Variants in MMP26 observed in about 807,000 individuals in gnomAD.
MMP26 encodes matrix metallopeptidase 26, also known as matrix metalloproteinase-26.
MMP26 carries 33 observed loss-of-function variants against 31.0 expected under a neutral mutation model. That is an observed-to-expected ratio of 1.06 (90% CI 0.81 to 1.42). MMP26 has a LOEUF of 1.42. MMP26 is among the 40% of genes most tolerant of loss of function. MMP26 has a pLI of 0.00. For missense variants in MMP26, 347 were observed against 316.1 expected (o/e 1.10, Z -0.74); for synonymous variants, 122 against 114.9 (o/e 1.06, Z -0.40).
intron 1 of MMP26, among the ~76,000 whole-genome samples, chr11:4,727,553 T>C (rs371350499): frequency 1.2e-4 from 18 of 152,316 alleles, no homozygotes; most frequent in East Asian, 5.8e-4. Context: ...CTCATGCCTG[T>C]TATCCCAGCA....
chr11:4,984,631 T>C (rs1478330257), intron 2 of MMP26, among the ~76,000 whole-genome samples: 1 of 152,210 alleles, frequency 6.6e-6, no homozygotes, highest in Non-Finnish European at 1.5e-5. Flanking sequence ...TTAATGAGCC[T>C]ACAGTGTCAT....
At chr11:4,795,667 C>G (rs554595215) in intron 2 of MMP26, among the ~76,000 whole-genome samples, 45 of 152,328 alleles carry the variant, frequency 3.0e-4, no homozygotes, top group Middle Eastern at 3.4e-3. Context: ...CATAAGAACA[C>G]TTGTCCTTTG....
At position 4,848,317 on chromosome 11, in the gene MMP26, G is replaced by T. The variant is rs1364223456; in HGVS notation, c.-145+80976G>T. ...ATCTCCTTCATCTTGACACTATAGAGAATAGGGTTTATCAATGGAGGAAGA... is the reference window on the plus strand; with the variant it reads ...ATCTCCTTCATCTTGACACTATAGATAATAGGGTTTATCAATGGAGGAAGA... On this transcript the variant is annotated intron_variant, in intron 2 of 7. Coordinates refer to ENST00000380390, the MANE Select transcript of MMP26 (RefSeq NM_021801.5). 2.5e-6 allele frequency: 4 copies of T among 1,614,070 alleles called. No individual in the cohort carries two copies. In the East Asian group the frequency reaches 8.9e-5, roughly 36 times the overall value.
chr11:4,980,405 T>C (rs1162262539), intron 2 of MMP26, among the ~76,000 whole-genome samples: 1 of 152,104 alleles, frequency 6.6e-6, no homozygotes, highest in Admixed American at 6.6e-5. Context: ...ATGTTTTCTT[T>C]TGGGGTAACA....
chr11:4,768,327 A>C (rs1433916), intron 2 of MMP26, among the ~76,000 whole-genome samples: 30,406 of 152,198 alleles, frequency 0.2, 4,855 homozygotes, highest in African/African-American at 0.44. Context: ...CTCACATGCC[A>C]TGACATATCT....
chr11:4,780,121 C>A (rs1304448859), intron 2 of MMP26, among the ~76,000 whole-genome samples: 1 of 151,980 alleles, frequency 6.6e-6, no homozygotes, highest in Non-Finnish European at 1.5e-5. Context: ...TTTTATTTTT[C>A]AATTTTGAAT....
chr11:4,848,132 C>A, intron 2 of MMP26: 2 of 1,206,966 alleles, frequency 1.7e-6, no homozygotes, highest in Non-Finnish European at 2.3e-6. Flanking sequence ...CACATATATG[C>A]ACTTATGTGT....
intron 2 of MMP26, chr11:4,803,417 T>A (rs745501473): frequency 1.3e-6 from 2 of 1,523,062 alleles, no homozygotes; most frequent in South Asian, 2.4e-5. Flanking sequence ...GTGATGGGGA[T>A]ACACTGACCC....
chr11:4,720,428 A>G (rs1299845398), intron 1 of MMP26, among the ~76,000 whole-genome samples: 1 of 152,244 alleles, frequency 6.6e-6, no homozygotes, highest in African/African-American at 2.4e-5. Flanking sequence ...CTTATCCTCA[A>G]GGAAAGTTGA....
At chr11:4,918,241 G>A (rs898789520) in intron 2 of MMP26, among the ~76,000 whole-genome samples, 7 of 152,130 alleles carry the variant, frequency 4.6e-5, no homozygotes, top group Non-Finnish European at 7.3e-5. Context: ...CACATACTGA[G>A]AAGTTGGAAA....
intron 2 of MMP26, among the ~76,000 whole-genome samples, chr11:4,834,082 T>C: frequency 6.6e-6 from 1 of 152,118 alleles, no homozygotes; most frequent in African/African-American, 2.4e-5. Flanking sequence ...GCCCCTCACG[T>C]TTTTCTGGGG....
chr11:4,729,722 T>A (rs574614167), intron 1 of MMP26, among the ~76,000 whole-genome samples: 11 of 150,914 alleles, frequency 7.3e-5, no homozygotes, highest in Non-Finnish European at 1.5e-4. Flanking sequence ...ACCTAACAGG[T>A]GTGAGCATAT....
rs779610861 is a variant in MMP26 at position 4,848,274 on chromosome 11, T to C, written c.-145+80933T>C. ...ACCCACCTTCCTGGGCTGCAACCTG[T>C]TGAGTATTCTCTTTCTAATCTCCTT... On this transcript the variant is annotated intron_variant, in intron 2 of 7. Coordinates refer to ENST00000380390, the MANE Select transcript of MMP26 (RefSeq NM_021801.5). 5.0e-6 allele frequency: 8 copies of C among 1,613,260 alleles called. No individual in the cohort carries two copies. The South Asian group carries it at 8.8e-5, about 18-fold the overall frequency.
intron 1 of MMP26, chr11:4,736,761 G>A (rs1020775302): frequency 6.6e-6 from 1 of 152,392 alleles, no homozygotes; most frequent in African/African-American, 2.4e-5. Flanking sequence ...GAAGCACTGA[G>A]GACTCCATGA....
chr11:4,978,672 C>T (rs1822916171), intron 2 of MMP26, among the ~76,000 whole-genome samples: 1 of 151,996 alleles, frequency 6.6e-6, no homozygotes, highest in Non-Finnish European at 1.5e-5. Context: ...ATACTGTGTC[C>T]TGGAAGATAT....
At chr11:4,818,509 C>A (rs1849451355) in intron 2 of MMP26, among the ~76,000 whole-genome samples, 2 of 151,926 alleles carry the variant, frequency 1.3e-5, no homozygotes, top group African/African-American at 4.8e-5. Flanking sequence ...TCATTATATT[C>A]TTTTTAAATA....
intron 1 of MMP26, among the ~76,000 whole-genome samples, chr11:4,738,949 G>A (rs140507781): frequency 4.0e-4 from 60 of 151,378 alleles, no homozygotes; most frequent in African/African-American, 1.4e-3. Flanking sequence ...GATTTAACCC[G>A]TACCTTGCTA....
At chr11:4,796,088 G>A (rs1159473859) in intron 2 of MMP26, among the ~76,000 whole-genome samples, 2 of 152,156 alleles carry the variant, frequency 1.3e-5, no homozygotes, top group Non-Finnish European at 2.9e-5. Context: ...GCACAGGTGG[G>A]AGATGGCTAT....
At chr11:4,951,247 T>C (rs1319832601) in intron 2 of MMP26, among the ~76,000 whole-genome samples, 1 of 124,178 alleles carries the variant, frequency 8.1e-6, no homozygotes, top group East Asian at 2.3e-4. Flanking sequence ...GATTGAAATG[T>C]AAAATTTTCA....
Sources: gnomAD v4.1 joint callset for allele counts (sites outside exome capture counted in the v4.1 genomes callset) on GRCh38, gnomAD v4.1.1 for gene constraint, MANE v1.5 for transcripts, NCBI Gene and HGNC (gene_info 2026-07-23, HGNC 2026-07-21) for gene names.